Variants in INPP4B observed in about 807,000 individuals in gnomAD.
INPP4B encodes inositol polyphosphate-4-phosphatase type II B.
In INPP4B, 55 loss-of-function variants were observed where a neutral mutation model predicts 122.5. The observed-to-expected ratio is 0.45, with a 90% CI of 0.36 to 0.56. The LOEUF (loss-of-function observed/expected upper bound fraction) is 0.56, where lower values mean the gene tolerates loss of function less well. INPP4B is among the 20% of genes least tolerant of loss of function. The pLI is 0.00. For missense variants in INPP4B, 1,000 were observed against 1,097.7 expected, an observed-to-expected ratio of 0.91 and a Z score of 1.26; for synonymous variants, 403 against 388.7, an observed-to-expected ratio of 1.04 and a Z score of -0.43.
intron 2 of INPP4B, among the ~76,000 whole-genome samples, chr4:142,472,670 A>T (rs202058737): frequency 1.3e-5 from 2 of 152,080 alleles, no homozygotes; most frequent in Non-Finnish European, 2.9e-5. Context: ...TTTTCCTTTG[A>T]GTCTGTATCA....
intron 1 of INPP4B, among the ~76,000 whole-genome samples, chr4:142,826,512 A>T (rs1781483744): frequency 6.8e-6 from 1 of 146,654 alleles, no homozygotes; most frequent in African/African-American, 2.5e-5. Context: ...ACACACACAC[A>T]CACACAAATA....
chr4:142,354,147 G>A (rs1782825078), intron 7 of INPP4B, among the ~76,000 whole-genome samples: 1 of 151,906 alleles, frequency 6.6e-6, no homozygotes, highest in Non-Finnish European at 1.5e-5. Flanking sequence ...CACCTAAGCA[G>A]ACAAATCTAA....
At chr4:142,318,021 G>T (rs1034853089) in intron 7 of INPP4B, among the ~76,000 whole-genome samples, 2 of 152,126 alleles carry the variant, frequency 1.3e-5, no homozygotes, top group Non-Finnish European at 2.9e-5. Context: ...CATGATCAGA[G>T]CCCTTGACAC....
At chr4:142,587,004 A>C (rs1736359890) in intron 2 of INPP4B, among the ~76,000 whole-genome samples, 1 of 152,178 alleles carries the variant, frequency 6.6e-6, no homozygotes, top group Non-Finnish European at 1.5e-5. Context: ...GCCAGAGAGC[A>C]TATGGGACCT....
At position 142,547,571 on chromosome 4, in the gene INPP4B, C is replaced by T. The variant is rs138561944; in HGVS notation, c.-190-84845G>A. Among the ~76,000 whole-genome samples the T allele has an allele frequency of 1.4e-3, 216 of 152,202 alleles. 1 individual carries two copies. Among genetic ancestry groups the T allele is most frequent in the African/African-American group, 4.9e-3 (205 of 41,532 alleles). On this transcript the variant is annotated intron_variant, in intron 2 of 25. Coordinates refer to ENST00000262992, the MANE Select transcript of INPP4B (RefSeq NM_001101669.3). ...TCAGACAGTAAAAGAGCCAAATGGA[C>T]CATGGGAGGTCAGAGAGTTTATGCC... is the stretch of plus-strand genomic sequence containing the variant.
intron 10 of INPP4B, 36 bp downstream of exon 10, chr4:142,270,627 A>T (rs2150564158): frequency 7.4e-7 from 1 of 1,359,864 alleles, no homozygotes; most frequent in Non-Finnish European, 1.1e-6. Flanking sequence ...GATCATTTTT[A>T]ATTTAATTTG....
chr4:142,318,904 CA>C (rs1768918281), intron 7 of INPP4B, among the ~76,000 whole-genome samples: 3 of 152,310 alleles, frequency 2.0e-5, no homozygotes, highest in African/African-American at 4.8e-5. Flanking sequence ...ACCAATACAG[CA>C]GTGGAACATA....
At chr4:142,657,813 T>C (rs950545553) in intron 2 of INPP4B, among the ~76,000 whole-genome samples, 1 of 152,216 alleles carries the variant, frequency 6.6e-6, no homozygotes, top group African/African-American at 2.4e-5. Context: ...TGGAATTCTA[T>C]TTCATAATAT....
At chr4:142,580,632 T>A (rs914460043) in intron 2 of INPP4B, among the ~76,000 whole-genome samples, 4 of 151,984 alleles carry the variant, frequency 2.6e-5, no homozygotes, top group African/African-American at 9.7e-5. Context: ...GTTCAAATAT[T>A]ACAAGAAGAC....
intron 2 of INPP4B, among the ~76,000 whole-genome samples, chr4:142,710,335 A>C (rs947715950): frequency 2.6e-5 from 4 of 152,206 alleles, no homozygotes; most frequent in African/African-American, 9.6e-5. Flanking sequence ...GAGAGAGATG[A>C]TGTTTTTGAA....
chr4:142,606,402 C>T (rs1029344221), intron 2 of INPP4B, among the ~76,000 whole-genome samples: 4 of 151,700 alleles, frequency 2.6e-5, no homozygotes, highest in Admixed American at 6.6e-5. Flanking sequence ...GGACTTGAAA[C>T]GATACCAACA....
chr4:142,500,442 A>T (rs1306467673), intron 2 of INPP4B, among the ~76,000 whole-genome samples: 1 of 152,202 alleles, frequency 6.6e-6, no homozygotes, highest in Non-Finnish European at 1.5e-5. Flanking sequence ...TTGAGATGTA[A>T]GTCTCTTTTA....
chr4:142,186,351 T>C (rs1333364386), intron 15 of INPP4B, among the ~76,000 whole-genome samples: 1 of 152,174 alleles, frequency 6.6e-6, no homozygotes, highest in Admixed American at 6.5e-5. Context: ...CAGAAAGGTG[T>C]GGTAATCTGA....
intron 7 of INPP4B, among the ~76,000 whole-genome samples, chr4:142,365,172 G>A (rs961008119): frequency 5.3e-5 from 8 of 152,106 alleles, no homozygotes; most frequent in African/African-American, 1.9e-4. Context: ...TGAAAGTAAT[G>A]GAATATGCCT....
intron 5 of INPP4B, among the ~76,000 whole-genome samples, chr4:142,410,273 T>C (rs1193776086): frequency 6.6e-6 from 1 of 152,232 alleles, no homozygotes; most frequent in Non-Finnish European, 1.5e-5. Flanking sequence ...TGCCCCAGGC[T>C]TTCACGAGAG....
chr4:142,302,943 C>T (rs1239820373), intron 9 of INPP4B, among the ~76,000 whole-genome samples: 4 of 152,076 alleles, frequency 2.6e-5, no homozygotes, highest in African/African-American at 9.7e-5. Context: ...AGTAAATTCG[C>T]ATTTAACTAA....
chr4:142,414,357 T>C (rs1408534420), intron 5 of INPP4B, among the ~76,000 whole-genome samples: 2 of 152,118 alleles, frequency 1.3e-5, no homozygotes, highest in Non-Finnish European at 2.9e-5. Context: ...ATATTATTGA[T>C]ACTAAAATAA....
intron 25 of INPP4B, among the ~76,000 whole-genome samples, chr4:142,074,278 G>C (rs1481848073): frequency 1.3e-5 from 2 of 152,096 alleles, no homozygotes; most frequent in African/African-American, 2.4e-5. Context: ...AAGATGAGAT[G>C]AGTGAGAATC....
At chr4:142,154,320 G>T (rs1816016687) in intron 17 of INPP4B, among the ~76,000 whole-genome samples, 1 of 152,080 alleles carries the variant, frequency 6.6e-6, no homozygotes, top group Non-Finnish European at 1.5e-5. Context: ...TTTGTAATCT[G>T]CACATTAATA....
Sources: gnomAD v4.1 joint callset for allele counts (sites outside exome capture counted in the v4.1 genomes callset) on GRCh38, gnomAD v4.1.1 for gene constraint, MANE v1.5 for transcripts, NCBI Gene and HGNC (gene_info 2026-07-23, HGNC 2026-07-21) for gene names.